OR51B5: variants seen among roughly 807,000 people sequenced by gnomAD.
OR51B5 encodes olfactory receptor 51B5.
For synonymous variants in OR51B5, 186 were observed against 144.8 expected, an observed-to-expected ratio of 1.28 and a Z score of -2.04; for missense variants, 456 against 374.6, an observed-to-expected ratio of 1.22 and a Z score of -1.79.
At chr11:5,437,688 A>G (rs1271875523) in intron 1 of OR51B5, among the ~76,000 whole-genome samples, 2 of 152,250 alleles carry the variant, frequency 1.3e-5, no homozygotes. Context: ...GAAGGAAGTC[A>G]TAGGTTTGTT....
At chr11:5,435,315 T>TCTTCATCAAGTATTAACTG (rs1850577996) in intron 1 of OR51B5, among the ~76,000 whole-genome samples, 1 of 152,236 alleles carries the variant, frequency 6.6e-6, no homozygotes, top group East Asian at 1.9e-4. Context: ...ACATTATAGA[T>TCTTCATCAAGTATTAACTG]AATGTTGCAG....
chr11:5,345,125 TTTTTG>T (rs1046059641), upstream of OR51B5, among the ~76,000 whole-genome samples: 3 of 152,186 alleles, frequency 2.0e-5, no homozygotes, highest in East Asian at 1.9e-4. Flanking sequence ...CACCACGGAA[TTTTTG>T]TTTTGTTTTG....
At chr11:5,394,620 G>A (rs1216020811) in intron 1 of OR51B5, among the ~76,000 whole-genome samples, 2 of 152,262 alleles carry the variant, frequency 1.3e-5, no homozygotes, top group African/African-American at 4.8e-5. Context: ...AGAATTTTAT[G>A]TTTTGCTTTG....
intron 1 of OR51B5, chr11:5,403,326 G>A (rs1324693213): frequency 2.1e-6 from 1 of 471,496 alleles, no homozygotes; most frequent in African/African-American, 2.0e-5. Flanking sequence ...CAACACATGT[G>A]GCTCACACGT....
intron 1 of OR51B5, chr11:5,441,342 T>C (rs1013498388): frequency 6.2e-7 from 1 of 1,613,860 alleles, no homozygotes; most frequent in African/African-American, 1.3e-5. Context: ...CATGGGCTGA[T>C]GCAGAGCAGG....
At chr11:5,500,308 A>G (rs145591611) in intron 1 of OR51B5, among the ~76,000 whole-genome samples, 2 of 152,356 alleles carry the variant, frequency 1.3e-5, no homozygotes, top group Non-Finnish European at 2.9e-5. Context: ...TCTGAAGTAT[A>G]TAAGTAAAAG....
At chr11:5,429,402 C>A (rs1325195354) in intron 1 of OR51B5, among the ~76,000 whole-genome samples, 1 of 152,156 alleles carries the variant, frequency 6.6e-6, no homozygotes, top group Non-Finnish European at 1.5e-5. Context: ...ACAAAGACAA[C>A]CCTTGTAAGC....
At chr11:5,380,566 T>C (rs1849593950) in intron 1 of OR51B5, among the ~76,000 whole-genome samples, 1 of 152,088 alleles carries the variant, frequency 6.6e-6, no homozygotes, top group Non-Finnish European at 1.5e-5. Flanking sequence ...AGGATTTTAT[T>C]TAGGTCTGTT....
chr11:5,442,110 C>T (rs2133777315), intron 1 of OR51B5, among the ~76,000 whole-genome samples: 1 of 152,208 alleles, frequency 6.6e-6, no homozygotes, highest in East Asian at 1.9e-4. Flanking sequence ...GGTCTATGAA[C>T]TCTTCTTCCT....
intron 1 of OR51B5, among the ~76,000 whole-genome samples, chr11:5,467,926 T>C (rs547441548): frequency 2.6e-5 from 4 of 152,334 alleles, no homozygotes; most frequent in Admixed American, 1.3e-4. Flanking sequence ...CTATAAAACA[T>C]TTTTCTTTGT....
intron 1 of OR51B5, among the ~76,000 whole-genome samples, chr11:5,416,935 T>C (rs1289050815): frequency 6.7e-6 from 1 of 149,954 alleles, no homozygotes; most frequent in Non-Finnish European, 1.5e-5. Context: ...TACTTTAAAG[T>C]TCATATGGAA....
intron 1 of OR51B5, chr11:5,423,119 A>C: frequency 2.5e-6 from 4 of 1,604,362 alleles, no homozygotes; most frequent in Non-Finnish European, 3.4e-6. Flanking sequence ...GGGAATGTTA[A>C]ATTTCCTTTC....
chr11:5,429,265 T>C (rs992644196), intron 1 of OR51B5, among the ~76,000 whole-genome samples: 1 of 152,180 alleles, frequency 6.6e-6, no homozygotes, highest in African/African-American at 2.4e-5. Flanking sequence ...TAACTCCATC[T>C]CCTGTGTGGC....
chr11:5,358,891 A>C (rs909170933), intron 1 of OR51B5, among the ~76,000 whole-genome samples: 27 of 152,024 alleles, frequency 1.8e-4, no homozygotes, highest in Admixed American at 1.2e-3. Context: ...AAAGACAAAA[A>C]CCACATGATT....
intron 1 of OR51B5, among the ~76,000 whole-genome samples, chr11:5,413,818 G>A (rs1850189715): frequency 6.6e-6 from 1 of 151,786 alleles, no homozygotes; most frequent in Non-Finnish European, 1.5e-5. Context: ...TGGTGTACCT[G>A]AAAGTGACGG....
At chr11:5,436,256 G>A (rs1228557312) in intron 1 of OR51B5, among the ~76,000 whole-genome samples, 2 of 152,316 alleles carry the variant, frequency 1.3e-5, no homozygotes, top group East Asian at 3.9e-4. Context: ...CAGGGTGACA[G>A]TCTGGGGTTC....
At chr11:5,452,948 A>C (rs1204677737) in intron 1 of OR51B5, among the ~76,000 whole-genome samples, 1 of 152,170 alleles carries the variant, frequency 6.6e-6, no homozygotes, top group Non-Finnish European at 1.5e-5. Context: ...TCCACAGCCC[A>C]CTGTCCTTTT....
At chr11:5,483,053 C>A (rs1215721200) in intron 1 of OR51B5, among the ~76,000 whole-genome samples, 1 of 147,366 alleles carries the variant, frequency 6.8e-6, no homozygotes, top group Non-Finnish European at 1.5e-5. Flanking sequence ...AAGACACATG[C>A]ACACGTATGT....
intron 1 of OR51B5, among the ~76,000 whole-genome samples, chr11:5,445,451 G>A (rs534965021): frequency 6.6e-6 from 1 of 152,034 alleles, no homozygotes; most frequent in African/African-American, 2.4e-5. Context: ...ATTACTATAT[G>A]GAACCTAAAA....
Sources: gnomAD v4.1 joint callset for allele counts (sites outside exome capture counted in the v4.1 genomes callset) on GRCh38, gnomAD v4.1.1 for gene constraint, MANE v1.5 for transcripts, NCBI Gene and HGNC (gene_info 2026-07-23, HGNC 2026-07-21) for gene names.